NKAIN3: variants seen among roughly 807,000 people sequenced by gnomAD.
The protein encoded by NKAIN3 is sodium/potassium transporting ATPase interacting 3, also known as sodium/potassium-transporting ATPase subunit beta-1-interacting protein 3.
NKAIN3 carries 25 observed loss-of-function variants against 30.2 expected under a neutral mutation model. The ratio of observed to expected loss-of-function variants is 0.83; its 90% confidence interval spans 0.60 to 1.16. The LOEUF (loss-of-function observed/expected upper bound fraction) is 1.16. NKAIN3 is among the 50% of genes most tolerant of loss of function. The pLI, the probability that NKAIN3 is intolerant of heterozygous loss-of-function variation, is 0.00. For missense variants in NKAIN3, 225 were observed against 254.1 expected, an observed-to-expected ratio of 0.89 and a Z score of 0.78; for synonymous variants, 91 against 89.6, an observed-to-expected ratio of 1.02 and a Z score of -0.09.
At chr8:62,668,385 A>G (rs1315577936) in intron 3 of NKAIN3, among the ~76,000 whole-genome samples, 2 of 152,220 alleles carry the variant, frequency 1.3e-5, no homozygotes, top group Admixed American at 1.3e-4. Flanking sequence ...TCTATGACAT[A>G]CTGATAAAAG....
chr8:62,719,413 TA>T lies in NKAIN3; in HGVS notation c.274-27517del, dbSNP rs763458345. Among the ~76,000 whole-genome samples, 6 of 152,290 alleles carry T rather than the reference TA, an allele frequency of 3.9e-5. No individual in the cohort carries two copies. In the East Asian group the frequency reaches 5.8e-4, roughly 15 times the overall value. Reference sequence around the variant, plus strand: ...TAAAAATCTGGGAACCATAAGAAACTAATCTACCAAAAATGGATGCTTTTCT... The same window carrying T: ...TAAAAATCTGGGAACCATAAGAAACTATCTACCAAAAATGGATGCTTTTCT... On this transcript the variant is annotated intron_variant, in intron 3 of 6. Coordinates refer to ENST00000623646, the MANE Select transcript of NKAIN3 (RefSeq NM_001304533.3).
intron 1 of NKAIN3, among the ~76,000 whole-genome samples, chr8:62,469,464 C>T (rs1310509849): frequency 6.6e-6 from 1 of 152,048 alleles, no homozygotes; most frequent in African/African-American, 2.4e-5. Context: ...CTCTACTGCC[C>T]CACTGGTTTT....
intron 1 of NKAIN3, among the ~76,000 whole-genome samples, chr8:62,329,936 G>T (rs1401096162): frequency 6.6e-6 from 1 of 152,044 alleles, no homozygotes; most frequent in African/African-American, 2.4e-5. Context: ...GGAGCTACTA[G>T]CTCAGTGAAA....
chr8:62,332,278 A>G (rs1815381446), intron 1 of NKAIN3, among the ~76,000 whole-genome samples: 2 of 152,148 alleles, frequency 1.3e-5, no homozygotes, highest in African/African-American at 4.8e-5. Flanking sequence ...TTCCAAGAAC[A>G]TATTGCCATT....
At position 62,953,954 on chromosome 8, in the gene NKAIN3, G is replaced by C; in HGVS notation, c.585G>C (p.Glu195Asp). The C allele has an allele frequency of 1.0e-6, 1 of 977,330 alleles. No individual in the cohort carries two copies. The highest frequency in any genetic ancestry group is 1.2e-6 in the Non-Finnish European group (1 of 822,138). 60.5% of individuals were successfully genotyped at this position (977,330 alleles called of 1,614,324 possible). A position where few individuals can be genotyped will look rare whatever the true frequency, so the allele number is the denominator to read the frequency against. ...DTHSYYQDHV[E>D]LKPVKPVEIS... Reference sequence around the variant, plus strand: ...ACTCCTACTACCAGGATCATGTTGAGTTAAAGCCTGTTAAACCAGTAAGTA... The same window carrying C: ...ACTCCTACTACCAGGATCATGTTGACTTAAAGCCTGTTAAACCAGTAAGTA... Residue 195 changes from glutamate to aspartate, a missense_variant, in exon 6 of 7, where the codon GAG (glutamate) becomes GAC (aspartate). Physicochemically the swap from Glu to Asp is conservative, Grantham distance 45. Transcript: ENST00000623646.
intron 1 of NKAIN3, among the ~76,000 whole-genome samples, chr8:62,380,688 G>C (rs968589455): frequency 6.6e-6 from 1 of 152,180 alleles, no homozygotes; most frequent in Non-Finnish European, 1.5e-5. Flanking sequence ...GTCAACCTTC[G>C]AGTTTGCAAA....
At chr8:62,864,163 TC>T (rs1820348128) in intron 4 of NKAIN3, 2 of 629,204 alleles carry the variant, frequency 3.2e-6, no homozygotes, top group Non-Finnish European at 5.6e-6. Context: ...GCTGCGGCTT[TC>T]ACTTGCTCAA....
intron 5 of NKAIN3, among the ~76,000 whole-genome samples, chr8:62,996,517 C>T (rs1404779281): frequency 6.6e-6 from 1 of 152,144 alleles, no homozygotes; most frequent in Non-Finnish European, 1.5e-5. Context: ...CATTTCACAA[C>T]CAATCATGCC....
At chr8:62,466,763 G>GT (rs1806177042) in intron 1 of NKAIN3, among the ~76,000 whole-genome samples, 1 of 152,044 alleles carries the variant, frequency 6.6e-6, no homozygotes, top group Admixed American at 6.6e-5. Flanking sequence ...ATATCATGGA[G>GT]TATAATGCAT....
At chr8:62,440,910 G>A (rs1004191998) in intron 1 of NKAIN3, among the ~76,000 whole-genome samples, 1 of 151,950 alleles carries the variant, frequency 6.6e-6, no homozygotes, top group Non-Finnish European at 1.5e-5. Flanking sequence ...AATTTGTTTC[G>A]ACTGCCATGG....
In NKAIN3 at chr8:62,335,032, A is replaced by T. The variant is rs190119851; in HGVS notation, c.54+85905A>T. Among the ~76,000 whole-genome samples the T allele has an allele frequency of 3.3e-3, 507 of 152,202 alleles. 3 individuals are homozygous for T. The highest frequency in any genetic ancestry group is 0.012 in the African/African-American group (493 of 41,548). On this transcript the variant is annotated intron_variant, in intron 1 of 6. Coordinates refer to ENST00000623646, the MANE Select transcript of NKAIN3 (RefSeq NM_001304533.3). ...CATAGCTTCCATAATACTGTTTGTC[A>T]TTATAGTCAGAGCATACCTTCAGAT... is the stretch of plus-strand genomic sequence containing the variant.
chr8:62,818,548 T>G (rs1241811239), intron 4 of NKAIN3, among the ~76,000 whole-genome samples: 6 of 150,068 alleles, frequency 4.0e-5, no homozygotes, highest in Non-Finnish European at 5.9e-5. Context: ...CCTTGTGTCT[T>G]GTTTGTTCAT....
Position 62,650,176 on chromosome 8 carries a change from A to T in NKAIN3, c.273+60382A>T, listed in dbSNP as rs550865085. On this transcript the variant is annotated intron_variant, in intron 3 of 6. Coordinates refer to ENST00000623646, the MANE Select transcript of NKAIN3 (RefSeq NM_001304533.3). ...TCTGTGGGATTCTTTGCTTCATCAT[A>T]ACTCTTTATATGAACTTGTAATAAA... 9.9e-5 allele frequency among the ~76,000 whole-genome samples: 15 copies of T among 152,218 alleles called. No individual in the cohort carries two copies. In the East Asian group the frequency reaches 2.3e-3, roughly 24 times the overall value.
intron 1 of NKAIN3, among the ~76,000 whole-genome samples, chr8:62,564,522 C>A (rs866063913): frequency 3.9e-5 from 6 of 152,320 alleles, no homozygotes; most frequent in Middle Eastern, 3.4e-3. Flanking sequence ...TAACCACGTG[C>A]ATCTTGCTTT....
At chr8:62,623,773 A>T (rs1438003680) in intron 3 of NKAIN3, among the ~76,000 whole-genome samples, 2 of 152,068 alleles carry the variant, frequency 1.3e-5, no homozygotes, top group Non-Finnish European at 2.9e-5. Flanking sequence ...CTAGACCCCG[A>T]GAGAGGGATC....
intron 5 of NKAIN3, among the ~76,000 whole-genome samples, chr8:62,930,708 C>CTTT (rs5891884): frequency 6.9e-6 from 1 of 145,192 alleles, no homozygotes; most frequent in African/African-American, 2.5e-5. Flanking sequence ...GAATTTCATC[C>CTTT]TTTTTTTTTT....
chr8:62,577,671 G>A (rs188096487), intron 1 of NKAIN3, among the ~76,000 whole-genome samples: 20 of 150,864 alleles, frequency 1.3e-4, no homozygotes, highest in Non-Finnish European at 2.8e-4. Flanking sequence ...AAGGTTCCTG[G>A]GGACTAATTA....
chr8:62,501,503 T>G (rs1807448670), intron 1 of NKAIN3, among the ~76,000 whole-genome samples: 1 of 152,188 alleles, frequency 6.6e-6, no homozygotes, highest in South Asian at 2.1e-4. Context: ...TCTGGTCATC[T>G]CATTTCTGTT....
At chr8:62,365,553 TTG>T (rs1338584792) in intron 1 of NKAIN3, among the ~76,000 whole-genome samples, 1 of 152,234 alleles carries the variant, frequency 6.6e-6, no homozygotes, top group Non-Finnish European at 1.5e-5. Flanking sequence ...AACATTTATG[TTG>T]TTTCTAATTT....
Sources: allele counts gnomAD v4.1 joint callset (sites outside exome capture counted in the v4.1 genomes callset), GRCh38; gene constraint gnomAD v4.1.1; transcripts MANE v1.5; gene names NCBI Gene and HGNC (gene_info 2026-07-23, HGNC 2026-07-21).